DCLK3: variants seen among roughly 807,000 people sequenced by gnomAD.
DCLK3 encodes doublecortin like kinase 3, also known as serine/threonine-protein kinase DCLK3.
Under a neutral mutation model 46.4 loss-of-function variants are expected in DCLK3, and 30 were observed. That is an observed-to-expected ratio of 0.65 (90% confidence interval 0.48 to 0.88). The LOEUF (loss-of-function observed/expected upper bound fraction) is 0.88. DCLK3 is among the 40% of genes least tolerant of loss of function. The probability of loss-of-function intolerance (pLI) is 0.00; values close to 1 mark genes in which losing one functional copy is unlikely to be tolerated. For missense variants in DCLK3, 846 were observed against 907.1 expected (o/e 0.93, Z 0.87); for synonymous variants, 401 against 339.2 (o/e 1.18, Z -2.00).
At chr3:36,747,953 C>T (rs541020445) in intron 1 of DCLK3, among the ~76,000 whole-genome samples, 18 of 152,288 alleles carry the variant, frequency 1.2e-4, no homozygotes, top group African/African-American at 3.4e-4. Flanking sequence ...CATAGAATAT[C>T]TCTTGCTTTG....
chr3:36,750,584 A>T (rs1701432160), intron 1 of DCLK3, among the ~76,000 whole-genome samples: 1 of 152,186 alleles, frequency 6.6e-6, no homozygotes, highest in Non-Finnish European at 1.5e-5. Flanking sequence ...ATCTTTTGTA[A>T]ACAAAAGTAA....
At chr3:36,734,223 T>C (rs1200437181) in intron 2 of DCLK3, among the ~76,000 whole-genome samples, 1 of 152,150 alleles carries the variant, frequency 6.6e-6, no homozygotes, top group African/African-American at 2.4e-5. Context: ...ACCCAGACAA[T>C]GAGTCAACTG....
chr3:36,755,278 A>G (rs1009993137), intron 1 of DCLK3, among the ~76,000 whole-genome samples: 1 of 152,218 alleles, frequency 6.6e-6, no homozygotes, highest in Non-Finnish European at 1.5e-5. Context: ...GGAGGACAGG[A>G]AGGAGATGAG....
At chr3:36,717,437 C>T (rs1229435244) in intron 4 of DCLK3, among the ~76,000 whole-genome samples, 2 of 152,126 alleles carry the variant, frequency 1.3e-5, no homozygotes, top group Non-Finnish European at 2.9e-5. Context: ...TCAAAATCCC[C>T]AATTATCTAG....
At position 36,737,985 on chromosome 3, in the gene DCLK3, C is replaced by T. The variant is rs1701289521; in HGVS notation, c.1182G>A (p.Glu394=). The change falls in exon 2 of 5, where the codon GAG becomes GAA. Residue 394 remains glutamate (E), a synonymous_variant. Transcript: ENST00000636136. The surrounding 1 kb of genome is among the most constrained non-coding windows in gnomAD (Gnocchi z 4.4). The stretch of plus-strand genomic sequence containing the variant: ...TTTCTTGATCCTCTGGGCCTCTGTC[C>T]TCTTTCTTGTCCATGCTCTTGCTGG... The part of the protein sequence containing the change: ...RRPSKSMDKK[E]DRGPEDQESH... 1 of 1,614,190 alleles carries T rather than the reference C, an allele frequency of 6.2e-7. No homozygotes were observed.
intron 3 of DCLK3, among the ~76,000 whole-genome samples, chr3:36,719,887 C>T (rs1701034302): frequency 6.6e-6 from 1 of 152,188 alleles, no homozygotes; most frequent in East Asian, 1.9e-4. Context: ...TTTGTGTTGC[C>T]TATTTGCTTT....
In DCLK3 at chr3:36,737,664, G is replaced by A; in HGVS notation, c.1503C>T (p.Asn501=). 2 of 1,613,858 alleles carry A rather than the reference G, an allele frequency of 1.2e-6. No homozygotes were observed. The highest frequency in any genetic ancestry group is 1.3e-5 in the African/African-American group (1 of 75,016). ...EKEPKTRPEE[N]KPERPSGRKP... Reference sequence around the variant, plus strand: ...TCCGACCGCTGGGCCGCTCTGGCTTGTTCTCTTCTGGCCTCGTCTTGGGCT... The same window carrying A: ...TCCGACCGCTGGGCCGCTCTGGCTTATTCTCTTCTGGCCTCGTCTTGGGCT... Residue 501 remains asparagine, a synonymous_variant, in exon 2 of 5, where the codon AAC becomes AAT. Transcript: ENST00000636136. The surrounding 1 kb of genome is among the most constrained non-coding windows in gnomAD (Gnocchi z 4.4).
chr3:36,720,645 C>T (rs1701043346), intron 3 of DCLK3, among the ~76,000 whole-genome samples: 1 of 152,078 alleles, frequency 6.6e-6, no homozygotes, highest in African/African-American at 2.4e-5. Context: ...GCTCAGATTA[C>T]AGGCATGTGC....
At chr3:36,732,388 T>A (rs539516923) in intron 2 of DCLK3, among the ~76,000 whole-genome samples, 148 of 152,370 alleles carry the variant, frequency 9.7e-4, no homozygotes, top group African/African-American at 3.4e-3. Flanking sequence ...ATAAGTTCAC[T>A]GAGTGTACAG....
chr3:36,733,892 G>A (rs1701228362), intron 2 of DCLK3, among the ~76,000 whole-genome samples: 1 of 152,160 alleles, frequency 6.6e-6, no homozygotes, highest in African/African-American at 2.4e-5. Flanking sequence ...GGAGCTTTTA[G>A]CACATACAGA....
At chr3:36,739,189 T>G (rs1701316880) in intron 1 of DCLK3, 105 bp from the exon 2 acceptor site, 2 of 397,008 alleles carry the variant, frequency 5.0e-6, no homozygotes, top group Non-Finnish European at 8.9e-6. Context: ...CATTACAGTT[T>G]ATAAGTGTGG....
chr3:36,737,160 C>A lies in DCLK3; in HGVS notation c.1959+48G>T. 1.3e-6 allele frequency: 2 copies of A among 1,568,202 alleles called. No individual in the cohort carries two copies. The highest frequency in any genetic ancestry group is 1.7e-6 in the Non-Finnish European group (2 of 1,158,222). ...AAAACAATTAATATCAATTTTATCC[C>A]ATATTCTAAAAACACCCTCTCCCAT... On this transcript the variant is annotated intron_variant, in intron 2 of 4. Coordinates refer to ENST00000636136, the MANE Select transcript of DCLK3 (RefSeq NM_001394672.2). This position sits in a 1 kb window ranked among gnomAD's most constrained non-coding sequence, Gnocchi z 4.4.
intron 1 of DCLK3, among the ~76,000 whole-genome samples, chr3:36,753,600 G>C (rs984521043): frequency 2.6e-5 from 4 of 152,328 alleles, no homozygotes; most frequent in Admixed American, 2.0e-4. Flanking sequence ...AAAAAAGCAA[G>C]TAACTAACAA....
Position 36,738,761 on chromosome 3 carries a change from G to A in DCLK3, c.406C>T (p.Pro136Ser). ...CTCACACGGTCATTCTTCCATCTGG[G>A]AGAGCCCAAGGCTTCTGAGATGTCA... ...LADISEALGSPRWKNDRVRKL... is the reference protein window; with the variant it reads ...LADISEALGSSRWKNDRVRKL... Residue 136 changes from proline (P) to serine (S), a missense_variant, in exon 2 of 5, where the codon CCC becomes TCC. Transcript: ENST00000636136. 1 of 1,278,332 alleles carries A rather than the reference G, an allele frequency of 7.8e-7. No individual in the cohort carries two copies. The highest frequency in any genetic ancestry group is 1.0e-6 in the Non-Finnish European group (1 of 1,000,518). 79.2% of individuals were successfully genotyped at this position (1,278,332 alleles called of 1,614,324 possible). A position where few individuals can be genotyped will look rare whatever the true frequency, so the allele number is the denominator to read the frequency against.
chr3:36,737,532 G>A lies in DCLK3; in HGVS notation c.1635C>T (p.Arg545=), dbSNP rs775612515. ...TCATCGCATAGGCCTGCCTGGTCTC[G>A]CGGTGTCTGCACTCCTTCACGACAG... The part of the protein sequence containing the change: ...NFAVVKECRH[R]ETRQAYAMKI... The change falls in exon 2 of 5, where the codon CGC becomes CGT. Residue 545 remains arginine, a synonymous_variant. Transcript: ENST00000636136. The surrounding 1 kb of genome is among the most constrained non-coding windows in gnomAD (Gnocchi z 4.4). The A allele has an allele frequency of 1.7e-5, 28 of 1,613,980 alleles. No homozygotes were observed. The highest frequency in any genetic ancestry group is 8.0e-5 in the African/African-American group (6 of 74,888).
intron 2 of DCLK3, among the ~76,000 whole-genome samples, chr3:36,726,929 T>C (rs1300419483): frequency 5.3e-5 from 8 of 152,222 alleles, no homozygotes; most frequent in Non-Finnish European, 1.2e-4. Context: ...TTAATCGTAG[T>C]TGCTGGGTGA....
chr3:36,742,051 C>T (rs1474541427), intron 1 of DCLK3, among the ~76,000 whole-genome samples: 2 of 152,128 alleles, frequency 1.3e-5, no homozygotes, highest in Non-Finnish European at 2.9e-5. Flanking sequence ...TTCAGGAAAG[C>T]CCCTGAACCC....
rs755963646 is a variant in DCLK3 at position 36,737,916 on chromosome 3, T to G, written c.1251A>C (p.Glu417Asp). 1.2e-6 allele frequency: 2 copies of G among 1,614,126 alleles called. No individual in the cohort carries two copies. The highest frequency in any genetic ancestry group is 1.7e-6 in the Non-Finnish European group (2 of 1,180,028). The change falls in exon 2 of 5, where the codon GAA (glutamate) becomes GAC (aspartate). Residue 417 changes from glutamate to aspartate, a missense_variant. By Grantham distance (45) the Glu-to-Asp change is conservative. Transcript: ENST00000636136. This position sits in a 1 kb window ranked among gnomAD's most constrained non-coding sequence, Gnocchi z 4.4. ...GCCCCTCCTCTGTGACAGGAAGAAC[T>G]TCCACAAGGTCCTTCTTGGCCTTGG... ...GAAKAKKDLVEVLPVTEEGLR... is the reference protein window; with the variant it reads ...GAAKAKKDLVDVLPVTEEGLR...
Position 36,738,795 on chromosome 3 carries a change from C to T in DCLK3, c.372G>A (p.Gln124=). The T allele has an allele frequency of 8.8e-7, 1 of 1,140,980 alleles. No homozygotes were observed. Among genetic ancestry groups the T allele is most frequent in the Non-Finnish European group, 1.1e-6 (1 of 878,840 alleles). 70.7% of individuals were successfully genotyped at this position (1,140,980 alleles called of 1,614,324 possible). The part of the protein sequence containing the change: ...LNRRSVQTFE[Q]LLADISEALG... ...AGGCTTCTGAGATGTCAGCTAAGAG[C>T]TGCTCGAACGTCTGCACTGATCGCC... The change falls in exon 2 of 5, where the codon CAG becomes CAA. Residue 124 remains glutamine, a synonymous_variant. Coordinates refer to ENST00000636136, the MANE Select transcript of DCLK3 (RefSeq NM_001394672.2).
Sources: allele counts gnomAD v4.1 joint callset (sites outside exome capture counted in the v4.1 genomes callset), GRCh38; gene constraint gnomAD v4.1.1; non-coding constraint Gnocchi (gnomAD v3.1); transcripts MANE v1.5; gene names NCBI Gene and HGNC (gene_info 2026-07-23, HGNC 2026-07-21).